Variants in COL22A1 observed in about 807,000 individuals in gnomAD.
COL22A1 encodes the protein collagen type XXII alpha 1 chain.
In COL22A1, 221 loss-of-function variants were observed where a neutral mutation model predicts 248.9. The observed-to-expected ratio is 0.89, with a 90% CI of 0.80 to 0.99. COL22A1 has a LOEUF of 0.99. Ranked by LOEUF, COL22A1 falls within the 50% of genes least tolerant of loss-of-function variation. The probability of loss-of-function intolerance (pLI) is 0.00; values close to 1 mark genes in which losing one functional copy is unlikely to be tolerated. For missense variants in COL22A1, 2,240 were observed against 2,179.0 expected, an observed-to-expected ratio of 1.03 and a Z score of -0.56; for synonymous variants, 891 against 793.4, an observed-to-expected ratio of 1.12 and a Z score of -2.07.
chr8:138,628,834 C>T lies in COL22A1; in HGVS notation c.3663+1861G>A, dbSNP rs1490815604. On this transcript the variant is annotated intron_variant, in intron 50 of 64. Transcript: ENST00000303045. ...AGGCTGGAGTGCGGTGGCGCAATCT[C>T]GGCTTACTGCAATCTCCACCTCCCT... Among the ~76,000 whole-genome samples, 4 of 147,096 alleles carry T rather than the reference C, an allele frequency of 2.7e-5. No homozygotes were observed. The South Asian group carries it at 6.4e-4, about 23-fold the overall frequency.
At chr8:138,594,260 GGCT>G in intron 62 of COL22A1, 61 bp from the exon 63 acceptor site, 2 of 1,459,952 alleles carry the variant, frequency 1.4e-6, no homozygotes, top group Non-Finnish European at 9.2e-7. Flanking sequence ...AGGACAGGAT[GGCT>G]ACTCACTGAC....
At chr8:138,750,337 T>C (rs913630266) in intron 22 of COL22A1, among the ~76,000 whole-genome samples, 1 of 152,206 alleles carries the variant, frequency 6.6e-6, no homozygotes, top group Admixed American at 6.6e-5. Context: ...TTGTAGAATT[T>C]TGAGAATTCA....
At chr8:138,664,209 GCACACACACA>G (rs1173353118) in intron 41 of COL22A1, among the ~76,000 whole-genome samples, 2,323 of 103,200 alleles carry the variant, frequency 0.023, 62 homozygotes, top group African/African-American at 0.035. Flanking sequence ...GCGCGCGCGC[GCACACACACA>G]CACACACACA....
chr8:138,736,266 G>T (rs938385930), intron 23 of COL22A1, among the ~76,000 whole-genome samples: 2 of 151,830 alleles, frequency 1.3e-5, no homozygotes, highest in Admixed American at 1.3e-4. Context: ...CAGATCAGGG[G>T]ACAGGAGTGA....
intron 23 of COL22A1, among the ~76,000 whole-genome samples, chr8:138,728,153 C>G (rs1444719992): frequency 2.0e-5 from 3 of 152,168 alleles, no homozygotes. Context: ...CTGCCTCAGC[C>G]TCCTGAGTAG....
chr8:138,731,162 G>A (rs1830677985), intron 23 of COL22A1, among the ~76,000 whole-genome samples: 1 of 152,062 alleles, frequency 6.6e-6, no homozygotes, highest in South Asian at 2.1e-4. Context: ...TGAGCCAGGT[G>A]TGGTGACGCA....
chr8:138,897,067 A>T (rs1825472819), intron 1 of COL22A1, among the ~76,000 whole-genome samples: 1 of 152,158 alleles, frequency 6.6e-6, no homozygotes. Flanking sequence ...AGGCAGCCTT[A>T]TCATTCCATT....
intron 49 of COL22A1, among the ~76,000 whole-genome samples, chr8:138,634,508 A>C (rs1252432504): frequency 6.6e-6 from 1 of 152,152 alleles, no homozygotes; most frequent in Non-Finnish European, 1.5e-5. Flanking sequence ...GGCAGCCTAC[A>C]CTGAAGGCAG....
chr8:138,632,925 A>C (rs746561756), intron 49 of COL22A1, among the ~76,000 whole-genome samples: 41 of 152,194 alleles, frequency 2.7e-4, no homozygotes, highest in Non-Finnish European at 1.9e-4. Flanking sequence ...AATCTTGCCA[A>C]GTTGAAAAAA....
At chr8:138,601,682 G>A (rs760338025) in intron 60 of COL22A1, among the ~76,000 whole-genome samples, 1 of 152,156 alleles carries the variant, frequency 6.6e-6, no homozygotes, top group African/African-American at 2.4e-5. Flanking sequence ...ATAACGCCAA[G>A]GCAATTCATT....
chr8:138,779,407 G>A (rs1450686614), intron 14 of COL22A1, 102 bp downstream of exon 14: 1 of 736,370 alleles, frequency 1.4e-6, no homozygotes, highest in African/African-American at 1.7e-5. Flanking sequence ...AGAGGGGCAG[G>A]GAACCTATCT....
chr8:138,844,448 C>T (rs767371122), intron 3 of COL22A1, among the ~76,000 whole-genome samples: 2 of 152,226 alleles, frequency 1.3e-5, no homozygotes, highest in African/African-American at 2.4e-5. Flanking sequence ...GGGAGCCAGA[C>T]ACGGACATCA....
At chr8:138,607,495 A>G (rs1198654067) in intron 57 of COL22A1, among the ~76,000 whole-genome samples, 1 of 151,762 alleles carries the variant, frequency 6.6e-6, no homozygotes, top group East Asian at 1.9e-4. Flanking sequence ...CTGCCCATTG[A>G]GCTCTCTCTG....
intron 36 of COL22A1, among the ~76,000 whole-genome samples, chr8:138,689,274 A>G (rs936929895): frequency 3.9e-5 from 6 of 152,132 alleles, no homozygotes; most frequent in African/African-American, 1.2e-4. Flanking sequence ...GTGGCCTGGC[A>G]CAGTGAACAC....
intron 22 of COL22A1, among the ~76,000 whole-genome samples, chr8:138,750,676 G>A (rs1832518786): frequency 6.6e-6 from 1 of 152,206 alleles, no homozygotes; most frequent in Non-Finnish European, 1.5e-5. Context: ...ACTGGTCCCT[G>A]GAGCTACCTG....
chr8:138,889,355 C>T (rs192285213), intron 1 of COL22A1, among the ~76,000 whole-genome samples: 13 of 152,300 alleles, frequency 8.5e-5, no homozygotes, highest in East Asian at 7.7e-4. Flanking sequence ...AAATGTGGCA[C>T]GTATACACCA....
rs769546142 is a variant in COL22A1, at chr8:138,693,596, G to T, written c.2754+50C>A. 8 of 1,539,744 alleles carry T rather than the reference G, an allele frequency of 5.2e-6. No homozygotes were observed. In the African/African-American group the frequency reaches 9.6e-5, roughly 18 times the overall value. On this transcript the variant is annotated intron_variant, in intron 35 of 64. Transcript: ENST00000303045. ...ATAGAGCAGAGCAGACACTGGGCGG[G>T]GCCTCCCTCCGGGGCTCCCCCACGA...
rs761120592 is a variant in COL22A1, at chr8:138,716,282, G to A, written c.2408C>T (p.Ala803Val). The change falls in exon 29 of 65, where the codon GCA (alanine) becomes GTA (valine). Residue 803 changes from alanine to valine, a missense_variant. Ala to Val is a moderately conservative substitution (Grantham distance 64). Transcript: ENST00000303045. ...GAAGCCTGGAGCCCCTGGGAGGCCT[G>A]CTTCTCCCTGTGAGAACAAAATATT... ...LAGRPGEKGE[A>V]GLPGAPGFPG... is the part of the protein sequence containing the mutation. 1.9e-6 allele frequency: 3 copies of A among 1,587,922 alleles called. No homozygotes were observed. Among genetic ancestry groups the A allele is most frequent in the Non-Finnish European group, 2.6e-6 (3 of 1,165,036 alleles).
intron 1 of COL22A1, among the ~76,000 whole-genome samples, chr8:138,894,496 G>A (rs1825265900): frequency 6.6e-6 from 1 of 152,176 alleles, no homozygotes; most frequent in African/African-American, 2.4e-5. Flanking sequence ...GCCAATCAGT[G>A]AGGGGACCAG....
Sources: allele counts gnomAD v4.1 joint callset (sites outside exome capture counted in the v4.1 genomes callset), GRCh38; gene constraint gnomAD v4.1.1; transcripts MANE v1.5; gene names NCBI Gene and HGNC (gene_info 2026-07-23, HGNC 2026-07-21).